The following RNF17 variants were observed in gnomAD, a reference collection of about 807,000 sequenced individuals.
RNF17 encodes the protein spermatogenesis associated 23.
A neutral mutation model predicts 200.5 loss-of-function variants in RNF17; 31 were observed. The observed-to-expected ratio is 0.15, with a 90% CI of 0.12 to 0.21. The LOEUF (loss-of-function observed/expected upper bound fraction) is 0.21. Ranked by LOEUF, RNF17 falls within the 10% of genes least tolerant of loss-of-function variation. The pLI is 1.00. For synonymous variants in RNF17, 606 were observed against 637.8 expected, an observed-to-expected ratio of 0.95 and a Z score of 0.75; for missense variants, 1,628 against 1,905.1, an observed-to-expected ratio of 0.85 and a Z score of 2.71.
rs1012210590 is a variant in RNF17, at chr13:24,777,372, A to G, written c.318-923A>G. Among the ~76,000 whole-genome samples, 109 of 152,380 alleles carry G rather than the reference A, an allele frequency of 7.2e-4. 2 individuals carry two copies. Among genetic ancestry groups the G allele is most frequent in the Non-Finnish European group, 5.9e-5 (4 of 68,038 alleles). On this transcript the variant is annotated intron_variant, in intron 3 of 35. Coordinates refer to ENST00000255324, the MANE Select transcript of RNF17 (RefSeq NM_031277.3). ...ACTGTGTGCTAGCCAATATGGTGAT[A>G]CAAAGATAAAAATAGCTGGGCATGA...
At chr13:24,879,512 C>G (rs1370606800) in intron 35 of RNF17, among the ~76,000 whole-genome samples, 2 of 152,164 alleles carry the variant, frequency 1.3e-5, no homozygotes, top group Non-Finnish European at 2.9e-5. Flanking sequence ...ATGACTCTGA[C>G]AGTACCAGGG....
At chr13:24,823,390 G>A (rs1163885349) in intron 15 of RNF17, among the ~76,000 whole-genome samples, 1 of 152,124 alleles carries the variant, frequency 6.6e-6, no homozygotes, top group East Asian at 1.9e-4. Flanking sequence ...TGTTTTAAAA[G>A]CTGTAGTAGT....
At chr13:24,845,936 G>C (rs1198035900) in intron 22 of RNF17, among the ~76,000 whole-genome samples, 1 of 152,112 alleles carries the variant, frequency 6.6e-6, no homozygotes, top group Admixed American at 6.5e-5. Context: ...CAGATGAAAG[G>C]AGGGGAAAGG....
the RNF17 span, among the ~76,000 whole-genome samples, chr13:24,749,586 AT>A: frequency 1.3e-5 from 2 of 152,180 alleles, no homozygotes; most frequent in South Asian, 4.1e-4. Context: ...TTTTGACTAT[AT>A]GCCTCATTTC....
intron 4 of RNF17, 104 bp downstream of exon 4, chr13:24,778,510 TATA>T (rs1329546215): frequency 5.1e-6 from 4 of 786,836 alleles, no homozygotes; most frequent in Non-Finnish European, 8.8e-6. Context: ...TTTGGAAGTT[TATA>T]CGTAACAAGT....
intron 23 of RNF17, among the ~76,000 whole-genome samples, 167 bp from the exon 24 acceptor site, chr13:24,851,289 C>T (rs1167963064): frequency 3.9e-5 from 6 of 152,228 alleles, no homozygotes; most frequent in Admixed American, 1.3e-4. Context: ...CCACTGCACT[C>T]GGCCCAGTGC....
chr13:24,878,591 T>A lies in RNF17; in HGVS notation c.4774-596T>A, dbSNP rs142331777. Among the ~76,000 whole-genome samples, 768 of 152,254 alleles carry A rather than the reference T, an allele frequency of 5.0e-3. 3 individuals are homozygous for A. The highest frequency in any genetic ancestry group is 0.017 in the Middle Eastern group (5 of 294). The stretch of plus-strand genomic sequence containing the variant: ...GCCCCTGGGAGGTCACTGGTGCAAG[T>A]TCTACAGTCCAAAAACCAAAGAATC... On this transcript the variant is annotated intron_variant, in intron 34 of 35. Coordinates refer to ENST00000255324, the MANE Select transcript of RNF17 (RefSeq NM_031277.3).
At chr13:24,801,991 T>G (rs76333496) in intron 13 of RNF17, among the ~76,000 whole-genome samples, 18,611 of 152,070 alleles carry the variant, frequency 0.12, 1,256 homozygotes, top group Admixed American at 0.15. Context: ...TTTCTTTTCT[T>G]TCTTCTTTTT....
chr13:24,804,483 C>A, intron 15 of RNF17, 54 bp downstream of exon 15: 1 of 1,355,216 alleles, frequency 7.4e-7, no homozygotes, highest in Non-Finnish European at 1.0e-6. Flanking sequence ...TTTAATTAGA[C>A]ATGTATAACA....
intron 25 of RNF17, among the ~76,000 whole-genome samples, chr13:24,858,691 A>G (rs1431733453): frequency 6.6e-6 from 1 of 152,102 alleles, no homozygotes; most frequent in East Asian, 1.9e-4. Context: ...AACAAGTAGT[A>G]TATAACCTGT....
intron 3 of RNF17, among the ~76,000 whole-genome samples, chr13:24,777,677 G>A (rs1881758082): frequency 6.6e-6 from 1 of 151,932 alleles, no homozygotes; most frequent in African/African-American, 2.4e-5. Flanking sequence ...CTTAATTGGT[G>A]AGCTTATCAC....
chr13:24,830,740 T>G, intron 17 of RNF17, 141 bp downstream of exon 17: 1 of 648,536 alleles, frequency 1.5e-6, no homozygotes, highest in Non-Finnish European at 2.7e-6. Flanking sequence ...AATGTTGCTG[T>G]GGTTACTATT....
At chr13:24,827,680 CG>C (rs1371734382) in intron 16 of RNF17, among the ~76,000 whole-genome samples, 1 of 106,216 alleles carries the variant, frequency 9.4e-6, no homozygotes, top group African/African-American at 3.6e-5. Context: ...CCAGCCTGGG[CG>C]ACAGAGCGAG....
chr13:24,888,242 C>T, the RNF17 span, among the ~76,000 whole-genome samples: 1 of 151,430 alleles, frequency 6.6e-6, no homozygotes. Flanking sequence ...TTCAACATTA[C>T]AAGGAAAAAC....
At chr13:24,884,420 G>C, downstream of RNF17, 1 of 1,613,964 alleles carries the variant, frequency 6.2e-7, no homozygotes, top group Non-Finnish European at 8.5e-7. Context: ...AGTTCCATTG[G>C]GAAACAGTAT....
chr13:24,804,514 A>G lies in RNF17; in HGVS notation c.2091+85A>G, dbSNP rs866810772. The stretch of plus-strand genomic sequence containing the variant: ...TAACAAGAATGAGTATCTACCGTCA[A>G]TTTTAGTCAGAGCAAACGTACCACT... On this transcript the variant is annotated intron_variant, in intron 15 of 35. Transcript: ENST00000255324. 129 of 1,073,812 alleles carry G rather than the reference A, an allele frequency of 1.2e-4. No individual in the cohort carries two copies. In the African/African-American group the frequency reaches 1.6e-3, roughly 14 times the overall value. 66.5% of individuals were successfully genotyped at this position (1,073,812 alleles called of 1,614,324 possible).
At chr13:24,772,298 C>T (rs562789429) in intron 2 of RNF17, among the ~76,000 whole-genome samples, 7 of 151,952 alleles carry the variant, frequency 4.6e-5, no homozygotes, top group South Asian at 2.1e-4. Flanking sequence ...ATGCTGAATT[C>T]GATGTTAAAG....
intron 15 of RNF17, among the ~76,000 whole-genome samples, chr13:24,811,956 G>A (rs1266825338): frequency 9.2e-5 from 14 of 152,172 alleles, no homozygotes; most frequent in South Asian, 2.1e-4. Flanking sequence ...GGCTGCTCGG[G>A]GGTCAGGGGT....
At chr13:24,787,826 G>GA (rs1310722291) in intron 6 of RNF17, among the ~76,000 whole-genome samples, 162 bp from the exon 7 acceptor site, 1 of 152,086 alleles carries the variant, frequency 6.6e-6, no homozygotes, top group Non-Finnish European at 1.5e-5. Flanking sequence ...ATCAACAAGT[G>GA]AAAGTACCCT....
Sources: allele counts gnomAD v4.1 joint callset (sites outside exome capture counted in the v4.1 genomes callset), GRCh38; gene constraint gnomAD v4.1.1; transcripts MANE v1.5; gene names NCBI Gene and HGNC (gene_info 2026-07-23, HGNC 2026-07-21).